The following EPHA6 variants were observed in gnomAD, a reference collection of about 807,000 sequenced individuals.
EPHA6 encodes ephrin type-A receptor 6.
A neutral mutation model predicts 112.0 loss-of-function variants in EPHA6; 50 were observed. The observed-to-expected ratio is 0.45, with a 90% CI of 0.36 to 0.56. EPHA6 has a LOEUF of 0.56. Among genes scored for constraint, EPHA6 ranks in the 20% least tolerant of loss-of-function variants. The pLI is 0.00. For synonymous variants in EPHA6, 529 were observed against 490.7 expected (o/e 1.08, Z -1.03); for missense variants, 1,280 against 1,417.4 (o/e 0.90, Z 1.56).
intron 1 of EPHA6, among the ~76,000 whole-genome samples, chr3:96,840,811 C>T (rs1386098107): frequency 6.6e-6 from 1 of 152,068 alleles, no homozygotes. Flanking sequence ...TGGAGATGTA[C>T]TTCCTTTGGC....
chr3:97,677,496 G>A (rs867492980), intron 14 of EPHA6, among the ~76,000 whole-genome samples: 6 of 151,934 alleles, frequency 3.9e-5, no homozygotes, highest in Non-Finnish European at 5.9e-5. Flanking sequence ...CAAGGTGGGC[G>A]GATCACCTGA....
intron 2 of EPHA6, among the ~76,000 whole-genome samples, chr3:96,889,679 A>C (rs749332703): frequency 1.3e-5 from 2 of 152,222 alleles, no homozygotes; most frequent in Non-Finnish European, 2.9e-5. Flanking sequence ...GAGGCAAACA[A>C]TATCAGTCAC....
chr3:96,989,593 G>T (rs1355307744), intron 3 of EPHA6, among the ~76,000 whole-genome samples: 1 of 152,138 alleles, frequency 6.6e-6, no homozygotes, highest in Non-Finnish European at 1.5e-5. Flanking sequence ...AATTTATGAA[G>T]GAAAGAGTTT....
intron 1 of EPHA6, among the ~76,000 whole-genome samples, chr3:96,840,425 T>G (rs2318155): frequency 0.032 from 4,814 of 152,236 alleles, 111 homozygotes; most frequent in East Asian, 0.07. Flanking sequence ...TGTTTTCATC[T>G]TTATTGGCTC....
At chr3:97,641,306 T>C (rs950888729) in intron 14 of EPHA6, among the ~76,000 whole-genome samples, 6 of 152,202 alleles carry the variant, frequency 3.9e-5, no homozygotes, top group Non-Finnish European at 8.8e-5. Flanking sequence ...CAAATACTTT[T>C]CACATTTCCT....
At chr3:97,559,392 A>T (rs1203866114) in intron 11 of EPHA6, among the ~76,000 whole-genome samples, 1 of 151,998 alleles carries the variant, frequency 6.6e-6, no homozygotes, top group African/African-American at 2.4e-5. Context: ...GAATGGGTTG[A>T]TGAACCAGAA....
At chr3:97,036,581 G>C (rs1335535615) in intron 3 of EPHA6, among the ~76,000 whole-genome samples, 1 of 151,894 alleles carries the variant, frequency 6.6e-6, no homozygotes, top group Non-Finnish European at 1.5e-5. Flanking sequence ...TTCTATTTGA[G>C]TCCCTTTGTA....
At chr3:97,732,088 T>C (rs945245930) in intron 15 of EPHA6, among the ~76,000 whole-genome samples, 1 of 151,936 alleles carries the variant, frequency 6.6e-6, no homozygotes, top group Non-Finnish European at 1.5e-5. Flanking sequence ...TAATTTACTT[T>C]CTAAAATCCT....
At chr3:97,348,551 A>T (rs2083648031) in intron 5 of EPHA6, among the ~76,000 whole-genome samples, 2 of 152,034 alleles carry the variant, frequency 1.3e-5, no homozygotes, top group African/African-American at 4.8e-5. Context: ...TTGAAAAAGT[A>T]ATTTATTACT....
intron 5 of EPHA6, chr3:97,244,708 G>A (rs1353274084): frequency 1.1e-5 from 2 of 188,278 alleles, no homozygotes; most frequent in African/African-American, 2.3e-5. Context: ...TATAATTCAT[G>A]TCTATATTAT....
At chr3:96,857,306 A>G (rs1466464324) in intron 1 of EPHA6, among the ~76,000 whole-genome samples, 2 of 152,138 alleles carry the variant, frequency 1.3e-5, no homozygotes, top group Admixed American at 1.3e-4. Flanking sequence ...GGTAATGATA[A>G]TAATGCATTT....
intron 14 of EPHA6, among the ~76,000 whole-genome samples, chr3:97,675,048 A>G (rs552919060): frequency 1.9e-4 from 29 of 152,204 alleles, no homozygotes; most frequent in Admixed American, 9.8e-4. Context: ...TGCGGGAAAC[A>G]AACTAAGAAA....
At position 97,748,676 on chromosome 3, in the gene EPHA6, T is replaced by C. The variant is rs2035816034; in HGVS notation, c.3368T>C (p.Ile1123Thr). The change falls in exon 18 of 18, where the codon ATA becomes ACA. Residue 1123 changes from isoleucine to threonine, a missense_variant. This residue lies in a region of EPHA6 where 145 missense variants were observed against 153.3 expected (regional missense o/e 0.95). Coordinates refer to ENST00000389672, the MANE Select transcript of EPHA6 (RefSeq NM_001080448.3). ...ACTTTACGTTTACACATGATGCACA[T>C]ACAGGAGAAGGGATTTCATGTATGA... The part of the protein sequence containing the change: ...IQTLRLHMMH[I>T]QEKGFHV 1.2e-6 allele frequency: 2 copies of C among 1,607,704 alleles called. No homozygotes were observed. Among genetic ancestry groups the C allele is most frequent in the South Asian group, 1.1e-5 (1 of 90,794 alleles).
intron 14 of EPHA6, among the ~76,000 whole-genome samples, chr3:97,708,728 C>A (rs1416253423): frequency 6.6e-6 from 1 of 152,204 alleles, no homozygotes; most frequent in African/African-American, 2.4e-5. Context: ...ATTGGCTGGG[C>A]CCAGGGCCCC....
chr3:97,507,897 ACGTGT>A lies in EPHA6; in HGVS notation c.2200+23840_2200+23844del, dbSNP rs532185504. On this transcript the variant is annotated intron_variant, in intron 10 of 17. Transcript: ENST00000389672. ...TCCTGGTTTAGCCTTGGGAGGGTGTACGTGTCCAGGAATTTATCCATTTCTTCTAG... is the reference window on the plus strand; with the variant it reads ...TCCTGGTTTAGCCTTGGGAGGGTGTACCAGGAATTTATCCATTTCTTCTAG... Among the ~76,000 whole-genome samples, 698 of 152,194 alleles carry A rather than the reference ACGTGT, an allele frequency of 4.6e-3. 6 individuals are homozygous for A. The highest frequency in any genetic ancestry group is 0.016 in the African/African-American group (676 of 41,532).
intron 1 of EPHA6, among the ~76,000 whole-genome samples, chr3:96,850,144 A>G (rs1179169227): frequency 6.6e-6 from 1 of 151,996 alleles, no homozygotes; most frequent in Non-Finnish European, 1.5e-5. Context: ...TTTTGGGGAG[A>G]TTGGAAGGAG....
chr3:97,141,730 A>G (rs2075910162), intron 3 of EPHA6, among the ~76,000 whole-genome samples: 2 of 152,062 alleles, frequency 1.3e-5, no homozygotes, highest in African/African-American at 4.8e-5. Flanking sequence ...AAAAAAATAC[A>G]GAGAACTGAA....
intron 3 of EPHA6, among the ~76,000 whole-genome samples, chr3:97,057,186 A>G (rs574071750): frequency 6.6e-6 from 1 of 152,336 alleles, no homozygotes; most frequent in East Asian, 1.9e-4. Flanking sequence ...ATCACAATTA[A>G]TTTTAACCAT....
chr3:97,291,687 T>A (rs562266282), intron 5 of EPHA6, among the ~76,000 whole-genome samples: 1 of 152,370 alleles, frequency 6.6e-6, no homozygotes, highest in East Asian at 1.9e-4. Context: ...GTTTTATGTA[T>A]CTGAGTCCTC....
Sources: allele counts gnomAD v4.1 joint callset (sites outside exome capture counted in the v4.1 genomes callset), GRCh38; gene constraint gnomAD v4.1.1; regional missense constraint gnomAD v4.1.1; transcripts MANE v1.5; gene names NCBI Gene and HGNC (gene_info 2026-07-23, HGNC 2026-07-21).